RRN3: variants seen among roughly 807,000 people sequenced by gnomAD.
RRN3 encodes RNA polymerase I-specific transcription initiation factor RRN3.
RRN3 carries 38 observed loss-of-function variants against 82.3 expected under a neutral mutation model. That is an observed-to-expected ratio of 0.46 (90% CI 0.36 to 0.61). The LOEUF (loss-of-function observed/expected upper bound fraction) is 0.61, where lower values mean the gene tolerates loss of function less well. RRN3 is among the 20% of genes least tolerant of loss of function. RRN3 has a pLI of 0.00. For synonymous variants in RRN3, 284 were observed against 284.3 expected (o/e 1.00, Z 0.01); for missense variants, 726 against 793.1 (o/e 0.92, Z 1.02).
At chr16:15,067,941 G>A (rs1046073225) in intron 15 of RRN3, among the ~76,000 whole-genome samples, 5 of 151,774 alleles carry the variant, frequency 3.3e-5, no homozygotes, top group South Asian at 2.1e-4. Context: ...AAATTTTTTT[G>A]TAGAGATAGG....
rs148964871 is a variant in RRN3 at position 15,082,565 on chromosome 16, C to T, written c.666+948G>A. 1.7e-4 allele frequency among the ~76,000 whole-genome samples: 26 copies of T among 151,840 alleles called. No homozygotes were observed. In the South Asian group the frequency reaches 4.0e-3, roughly 23 times the overall value. Reference sequence around the variant, plus strand: ...CCCCATGTCTATAGTCCCACCTACTCGGGAGGCTGAGGTGGGAGAGTCACT... The same window carrying T: ...CCCCATGTCTATAGTCCCACCTACTTGGGAGGCTGAGGTGGGAGAGTCACT... On this transcript the variant is annotated intron_variant, in intron 8 of 17. Coordinates refer to ENST00000198767, the MANE Select transcript of RRN3 (RefSeq NM_018427.5).
chr16:15,078,275 T>C (rs1359702847), intron 9 of RRN3, among the ~76,000 whole-genome samples: 2 of 152,140 alleles, frequency 1.3e-5, no homozygotes, highest in African/African-American at 4.8e-5. Flanking sequence ...ATAGCATCAA[T>C]GTTTTCCTCC....
chr16:15,063,379 C>T (rs2044801448), intron 16 of RRN3, 96 bp from the exon 17 acceptor site: 1 of 917,718 alleles, frequency 1.1e-6, no homozygotes, highest in Admixed American at 1.8e-5. Context: ...TTACCCAAAA[C>T]CAAGAAGTGA....
chr16:15,093,650 C>G (rs1200618975), intron 1 of RRN3, among the ~76,000 whole-genome samples: 1 of 152,182 alleles, frequency 6.6e-6, no homozygotes, highest in Non-Finnish European at 1.5e-5. Context: ...CCTAATGACT[C>G]TGAAAGTTAA....
At chr16:15,083,407 A>G (rs1194610691) in intron 8 of RRN3, 106 bp downstream of exon 8, 12 of 1,523,686 alleles carry the variant, frequency 7.9e-6, no homozygotes, top group Non-Finnish European at 1.1e-5. Flanking sequence ...TCAAAAAAGA[A>G]AAAGAAAAAG....
At position 15,094,176 on chromosome 16, in the gene RRN3, C is replaced by T. The variant is rs753124297; in HGVS notation, c.58G>A (p.Ala20Thr). 6.2e-7 allele frequency: 1 copy of T among 1,602,376 alleles called. No individual in the cohort carries two copies. The highest frequency in any genetic ancestry group is 1.3e-5 in the African/African-American group (1 of 74,834). ...CTCGACGCGCCCAGCTTCTTAACTG[C>T]AGAGGACGAAGCGGCCGCATCTCCC... is the stretch of plus-strand genomic sequence containing the variant. ...LPGDAAASSS[A>T]VKKLGASRTG... Residue 20 changes from alanine to threonine, a missense_variant, in exon 1 of 18, where the codon GCA becomes ACA. Coordinates refer to ENST00000198767, the MANE Select transcript of RRN3 (RefSeq NM_018427.5).
At chr16:15,073,105 GT>G (rs1444892751) in intron 11 of RRN3, 25 bp from the exon 12 acceptor site, 5 of 1,600,686 alleles carry the variant, frequency 3.1e-6, no homozygotes, top group South Asian at 1.1e-5. Flanking sequence ...TGGCATCTCA[GT>G]TTTTATAAAG....
intron 9 of RRN3, among the ~76,000 whole-genome samples, chr16:15,077,370 T>C (rs1335715306): frequency 1.3e-5 from 2 of 152,100 alleles, no homozygotes; most frequent in African/African-American, 2.4e-5. Flanking sequence ...TAGGGTAGGT[T>C]TCCCCCATAC....
At chr16:15,082,434 AG>A (rs1173939479) in intron 8 of RRN3, among the ~76,000 whole-genome samples, 5 of 152,102 alleles carry the variant, frequency 3.3e-5, no homozygotes, top group Non-Finnish European at 7.4e-5. Context: ...ACACTTTGCG[AG>A]GTGGAGACGG....
chr16:15,081,163 A>C (rs2045688523), intron 8 of RRN3, among the ~76,000 whole-genome samples: 1 of 152,194 alleles, frequency 6.6e-6, no homozygotes, highest in Admixed American at 6.5e-5. Context: ...ATTATGGATG[A>C]TGCTGCTATG....
intron 12 of RRN3, among the ~76,000 whole-genome samples, chr16:15,071,901 A>T (rs1350315753): frequency 1.3e-5 from 2 of 152,212 alleles, no homozygotes; most frequent in South Asian, 2.1e-4. Flanking sequence ...AGAACTGGTG[A>T]CCAACAATAA....
chr16:15,079,912 T>C, intron 9 of RRN3, 86 bp downstream of exon 9: 1 of 1,364,196 alleles, frequency 7.3e-7, no homozygotes, highest in South Asian at 1.4e-5. Flanking sequence ...GATTCTTTTC[T>C]ATCACTGACT....
chr16:15,082,433 G>A (rs998877545), intron 8 of RRN3, among the ~76,000 whole-genome samples: 2 of 152,060 alleles, frequency 1.3e-5, no homozygotes, highest in Non-Finnish European at 2.9e-5. Flanking sequence ...AACACTTTGC[G>A]AGGTGGAGAC....
rs1481042616 is a variant in RRN3 at position 15,074,839 on chromosome 16, T to C, written c.881A>G (p.His294Arg). The C allele has an allele frequency of 1.3e-5, 21 of 1,611,650 alleles. No homozygotes were observed. Among genetic ancestry groups the C allele is most frequent in the East Asian group, 2.2e-5 (1 of 44,866 alleles). Residue 294 changes from histidine to arginine, a missense_variant, in exon 11 of 18, where the codon CAT becomes CGT. By Grantham distance (29) the His-to-Arg change is conservative (BLOSUM62 0). Transcript: ENST00000198767. ...CCGTTCAGGACCAGCCTTTGTTTCA[T>C]GTTCAGTTTCTTCATCTTCATCCTT... ...FNMDEDEETEHETKAGPERLD... is the reference protein window; with the variant it reads ...FNMDEDEETERETKAGPERLD...
At chr16:15,062,698 G>A (rs1386358087) in intron 17 of RRN3, among the ~76,000 whole-genome samples, 1 of 152,190 alleles carries the variant, frequency 6.6e-6, no homozygotes, top group Non-Finnish European at 1.5e-5. Flanking sequence ...AAGTGGCAAA[G>A]ATCTAAATTC....
rs755635841 is a variant in RRN3 at position 15,061,716 on chromosome 16, G to T, written c.*28C>A. On this transcript the variant is annotated 3_prime_UTR_variant, in exon 18 of 18. Transcript: ENST00000198767. ...TGACAAGTGATGGGGAATCCCAAAT[G>T]TCACATCTCAGTCACAAATTTCTGC... 27 of 1,595,294 alleles carry T rather than the reference G, an allele frequency of 1.7e-5. No homozygotes were observed. The highest frequency in any genetic ancestry group is 2.1e-5 in the Non-Finnish European group (25 of 1,164,936).
intron 8 of RRN3, among the ~76,000 whole-genome samples, chr16:15,082,983 T>C (rs2045766625): frequency 6.6e-6 from 1 of 152,028 alleles, no homozygotes; most frequent in Admixed American, 6.6e-5. Flanking sequence ...ACTCAGACCT[T>C]GACTTGCACA....
chr16:15,076,738 A>C lies in RRN3; in HGVS notation c.766-88T>G, dbSNP rs570836367. ...GGATGGAAATTCATCTGATATACGC[A>C]TGTTCAAGGTGTCCAGATTAGTGCC... On this transcript the variant is annotated intron_variant, in intron 9 of 17. Transcript: ENST00000198767. 8 of 894,172 alleles carry C rather than the reference A, an allele frequency of 8.9e-6. No homozygotes were observed. The East Asian group carries it at 2.1e-4, about 23-fold the overall frequency. 55.4% of individuals were successfully genotyped at this position (894,172 alleles called of 1,614,324 possible). A position where few individuals can be genotyped will look rare whatever the true frequency, so the allele number is the denominator to read the frequency against.
At chr16:15,069,464 ACTAAT>A (rs1295913241) in intron 14 of RRN3, among the ~76,000 whole-genome samples, 8 of 152,218 alleles carry the variant, frequency 5.3e-5, no homozygotes, top group South Asian at 2.1e-4. Context: ...ACTAAAATAC[ACTAAT>A]CTAATAAGTT....
Sources: gnomAD v4.1 joint callset for allele counts (sites outside exome capture counted in the v4.1 genomes callset) on GRCh38, gnomAD v4.1.1 for gene constraint, MANE v1.5 for transcripts, NCBI Gene and HGNC (gene_info 2026-07-23, HGNC 2026-07-21) for gene names.